Variants in MRPS28 observed in about 807,000 individuals in gnomAD.
MRPS28 encodes small ribosomal subunit protein bS1m.
In MRPS28, 7 loss-of-function variants were observed where a neutral mutation model predicts 10.8. The observed-to-expected ratio is 0.65, with a 90% CI of 0.37 to 1.22. The LOEUF is 1.22. Among genes scored for constraint, MRPS28 ranks in the 50% most tolerant of loss-of-function variants. The probability of loss-of-function intolerance (pLI) is 0.02; values close to 1 mark genes in which losing one functional copy is unlikely to be tolerated. For synonymous variants in MRPS28, 121 were observed against 93.3 expected (o/e 1.30, Z -1.71); for missense variants, 265 against 232.9 (o/e 1.14, Z -0.90).
At chr8:79,972,305 A>G (rs1807654815) in intron 2 of MRPS28, among the ~76,000 whole-genome samples, 1 of 152,134 alleles carries the variant, frequency 6.6e-6, no homozygotes, top group African/African-American at 2.4e-5. Flanking sequence ...GCAACCATGG[A>G]TTTTGGTGTC....
intron 1 of MRPS28, among the ~76,000 whole-genome samples, chr8:80,024,524 T>C (rs1211183208): frequency 6.6e-6 from 1 of 152,172 alleles, no homozygotes; most frequent in Non-Finnish European, 1.5e-5. Context: ...GTAAGGATAA[T>C]GTGTATGGGC....
intron 2 of MRPS28, among the ~76,000 whole-genome samples, chr8:79,983,436 C>G (rs189170990): frequency 2.0e-5 from 3 of 152,098 alleles, no homozygotes; most frequent in Admixed American, 6.5e-5. Context: ...ATGACTTTGA[C>G]GAGTTGAGAG....
chr8:79,997,203 G>T (rs1350671615), intron 2 of MRPS28, among the ~76,000 whole-genome samples: 2 of 152,134 alleles, frequency 1.3e-5, no homozygotes, highest in Non-Finnish European at 2.9e-5. Flanking sequence ...TGGGAAAAGT[G>T]CTCTGTATTT....
chr8:79,992,028 A>C (rs553581172), intron 2 of MRPS28, among the ~76,000 whole-genome samples: 23 of 151,766 alleles, frequency 1.5e-4, no homozygotes, highest in African/African-American at 4.8e-4. Flanking sequence ...GGTGAGATTC[A>C]TGTGCCAAGG....
At chr8:79,966,368 T>G (rs1017954684) in intron 2 of MRPS28, among the ~76,000 whole-genome samples, 2 of 152,042 alleles carry the variant, frequency 1.3e-5, no homozygotes, top group Non-Finnish European at 2.9e-5. Flanking sequence ...AAGCAAAAAT[T>G]AAAATAATTA....
At chr8:79,933,255 G>T (rs907787263) in intron 2 of MRPS28, among the ~76,000 whole-genome samples, 9 of 152,172 alleles carry the variant, frequency 5.9e-5, no homozygotes, top group Admixed American at 5.9e-4. Context: ...TCTGGTGAAG[G>T]CTCTCTTCCC....
At chr8:79,926,875 A>C (rs1266765759) in intron 2 of MRPS28, among the ~76,000 whole-genome samples, 2 of 152,240 alleles carry the variant, frequency 1.3e-5, no homozygotes, top group Non-Finnish European at 2.9e-5. Context: ...TGCTGCAGCA[A>C]AATCAATAGG....
chr8:79,985,775 C>T (rs2130099295), intron 2 of MRPS28, among the ~76,000 whole-genome samples: 1 of 152,194 alleles, frequency 6.6e-6, no homozygotes, highest in African/African-American at 2.4e-5. Flanking sequence ...GAAATTGTGG[C>T]AATAATCAAT....
chr8:79,932,101 GT>G (rs1806479052), intron 2 of MRPS28, among the ~76,000 whole-genome samples: 2 of 152,144 alleles, frequency 1.3e-5, no homozygotes, highest in Non-Finnish European at 2.9e-5. Flanking sequence ...ACTCAAAAAT[GT>G]TTTTTAGAGG....
chr8:79,963,644 G>T (rs898365923), intron 2 of MRPS28, among the ~76,000 whole-genome samples: 3 of 152,120 alleles, frequency 2.0e-5, no homozygotes, highest in Non-Finnish European at 4.4e-5. Flanking sequence ...ACTGTTGACA[G>T]ACACCAGCAC....
At chr8:80,016,089 G>A (rs1170167743) in intron 1 of MRPS28, among the ~76,000 whole-genome samples, 1 of 152,128 alleles carries the variant, frequency 6.6e-6, no homozygotes, top group Admixed American at 6.5e-5. Context: ...ATTCTAGAAG[G>A]AGAAGAAAGA....
intron 2 of MRPS28, among the ~76,000 whole-genome samples, chr8:79,947,759 C>G (rs1172015934): frequency 1.3e-5 from 2 of 149,142 alleles, no homozygotes; most frequent in Non-Finnish European, 3.0e-5. Context: ...CTCAGCCTCC[C>G]GAGTAGCTGG....
intron 2 of MRPS28, chr8:79,958,304 T>C (rs567914851): frequency 1.8e-5 from 12 of 670,958 alleles, no homozygotes; most frequent in Middle Eastern, 2.4e-4. Flanking sequence ...CATAATGTTT[T>C]CAGGGTTCAT....
intron 2 of MRPS28, among the ~76,000 whole-genome samples, chr8:79,981,416 A>C (rs1035604506): frequency 6.6e-6 from 1 of 152,254 alleles, no homozygotes; most frequent in African/African-American, 2.4e-5. Context: ...ACGTTCAGGA[A>C]ACAGGCAAAC....
At chr8:79,939,977 T>TAAAAAA (rs11443456) in intron 2 of MRPS28, among the ~76,000 whole-genome samples, 1 of 140,656 alleles carries the variant, frequency 7.1e-6, no homozygotes, top group Admixed American at 7.1e-5. Flanking sequence ...CCGTCTCAAA[T>TAAAAAA]AAAAAAAAAA....
intron 2 of MRPS28, among the ~76,000 whole-genome samples, chr8:80,001,519 CATATGCCA>C (rs1189942993): frequency 3.3e-5 from 5 of 152,170 alleles, no homozygotes; most frequent in Non-Finnish European, 7.4e-5. Context: ...ATTTGTTTAC[CATATGCCA>C]ATCACTTTTC....
intron 2 of MRPS28, among the ~76,000 whole-genome samples, chr8:79,966,603 TAGA>T (rs1307074968): frequency 6.6e-5 from 10 of 152,106 alleles, no homozygotes; most frequent in African/African-American, 2.4e-4. Context: ...TAATGGAATC[TAGA>T]AAACGGTATG....
chr8:79,918,941 G>T lies in MRPS28; in HGVS notation c.*39C>A. On this transcript the variant is annotated 3_prime_UTR_variant, in exon 3 of 3. Transcript: ENST00000276585. Reference sequence around the variant, plus strand: ...CTAATTGCATTCTTGATGAATAACTGACTTCAGCAAAGGAGTCAATCCACT... The same window carrying T: ...CTAATTGCATTCTTGATGAATAACTTACTTCAGCAAAGGAGTCAATCCACT... The T allele has an allele frequency of 2.9e-6, 4 of 1,397,682 alleles. No individual in the cohort carries two copies. Among genetic ancestry groups the T allele is most frequent in the South Asian group, 3.8e-5 (2 of 52,554 alleles). The allele number at this position is 1,397,682 out of a possible 1,614,324, so 86.6% of individuals were successfully genotyped here. A position where few individuals can be genotyped will look rare whatever the true frequency, so the allele number is the denominator to read the frequency against.
intron 2 of MRPS28, among the ~76,000 whole-genome samples, chr8:79,973,687 G>A (rs555924987): frequency 1.3e-5 from 2 of 152,034 alleles, no homozygotes; most frequent in East Asian, 1.9e-4. Context: ...AAGAAAATTT[G>A]GCCAAGTATC....
Sources: gnomAD v4.1 joint callset for allele counts (sites outside exome capture counted in the v4.1 genomes callset) on GRCh38, gnomAD v4.1.1 for gene constraint, MANE v1.5 for transcripts, NCBI Gene and HGNC (gene_info 2026-07-23, HGNC 2026-07-21) for gene names.